FOXO3B: variants seen among roughly 807,000 people sequenced by gnomAD.
The protein encoded by FOXO3B is forkhead box O3B, also known as forkhead box protein O3B.
FOXO3B carries 15 observed loss-of-function variants against 21.9 expected under a neutral mutation model. That is an observed-to-expected ratio of 0.68 (90% CI 0.46 to 1.05). FOXO3B has a LOEUF of 1.05. FOXO3B is among the 50% of genes least tolerant of loss of function. The pLI is 0.00. For synonymous variants in FOXO3B, 135 were observed against 213.6 expected, an observed-to-expected ratio of 0.63 and a Z score of 3.21; for missense variants, 293 against 435.5, an observed-to-expected ratio of 0.67 and a Z score of 2.91.
intron 3 of FOXO3B, among the ~76,000 whole-genome samples, chr17:18,680,110 A>C (rs2032558714): frequency 6.6e-6 from 1 of 152,198 alleles, no homozygotes; most frequent in Non-Finnish European, 1.5e-5. Flanking sequence ...AAGTGCTGGA[A>C]TTACGGGCAT....
intron 3 of FOXO3B, among the ~76,000 whole-genome samples, chr17:18,675,978 G>T (rs556672097): frequency 3.3e-4 from 50 of 152,024 alleles, no homozygotes; most frequent in Non-Finnish European, 5.1e-4. Context: ...ATAAGCCAAA[G>T]ATTAGAAGAA....
chr17:18,676,535 A>G (rs1290982127), intron 3 of FOXO3B, among the ~76,000 whole-genome samples: 3 of 152,236 alleles, frequency 2.0e-5, no homozygotes, highest in East Asian at 1.9e-4. Context: ...ATCAGACTAC[A>G]TAAGAAAAAG....
At position 18,671,860 on chromosome 17, in the gene FOXO3B, G is replaced by A. The variant is rs542759381; in HGVS notation, c.*449C>T. ...CACCGTGCACGGCTTGCTTACTGAA[G>A]GTGACAGGCTCGCTGAGCTGCTGTA... is the stretch of plus-strand genomic sequence containing the variant. On this transcript the variant is annotated 3_prime_UTR_variant, in exon 4 of 4. Coordinates refer to ENST00000395675, the MANE Select transcript of FOXO3B (RefSeq NM_001368135.1). The A allele has an allele frequency of 2.8e-5, 45 of 1,613,138 alleles. No individual in the cohort carries two copies. The African/African-American group carries it at 5.5e-4, about 20-fold the overall frequency.
Position 18,677,575 on chromosome 17 carries a change from G to C in FOXO3B, c.126+3166C>G, listed in dbSNP as rs555218702. 1.6e-5 allele frequency: 25 copies of C among 1,603,320 alleles called. No individual in the cohort carries two copies. In the East Asian group the frequency reaches 5.1e-4, roughly 33 times the overall value. ...ATCCACGGGGGCGCCGGCGGGCCCA[G>C]CGGCAGGGCCAAAGCCGGGCGGGCC... On this transcript the variant is annotated intron_variant, in intron 3 of 3. Transcript: ENST00000395675.
chr17:18,674,067 T>C (rs77421625), intron 3 of FOXO3B, among the ~76,000 whole-genome samples: 51,726 of 151,572 alleles, frequency 0.34, 9,318 homozygotes, highest in Middle Eastern at 0.43. Context: ...AAACATGTTG[T>C]ATTGAAGTAT....
intron 3 of FOXO3B, chr17:18,677,358 G>T (rs760257967): frequency 1.9e-6 from 3 of 1,612,852 alleles, no homozygotes; most frequent in Non-Finnish European, 2.5e-6. Context: ...GAACTTGGGC[G>T]CCAATGGCGA....
chr17:18,674,874 C>G (rs1051758829), intron 3 of FOXO3B, among the ~76,000 whole-genome samples: 23 of 152,250 alleles, frequency 1.5e-4, no homozygotes, highest in African/African-American at 4.6e-4. Context: ...TCCCACAAAG[C>G]GTAATTATTT....
chr17:18,679,175 T>C (rs1006138130), intron 3 of FOXO3B, among the ~76,000 whole-genome samples: 2 of 152,218 alleles, frequency 1.3e-5, no homozygotes, highest in Non-Finnish European at 2.9e-5. Context: ...TGTTAGTCAA[T>C]AGTTACTTCT....
At chr17:18,673,739 G>A (rs1055303425) in intron 3 of FOXO3B, among the ~76,000 whole-genome samples, 4 of 151,802 alleles carry the variant, frequency 2.6e-5, no homozygotes, top group African/African-American at 9.7e-5. Context: ...ATGACAAGAC[G>A]AGATTTGATT....
intron 3 of FOXO3B, chr17:18,677,647 G>A (rs2032515991): frequency 3.7e-6 from 6 of 1,608,540 alleles, no homozygotes; most frequent in Middle Eastern, 2.1e-4. Context: ...GGGGCCCCAG[G>A]GGGCTTGGGA....
At chr17:18,675,956 C>T (rs960744868) in intron 3 of FOXO3B, among the ~76,000 whole-genome samples, 2 of 152,016 alleles carry the variant, frequency 1.3e-5, no homozygotes, top group African/African-American at 4.8e-5. Flanking sequence ...GCCTAACACA[C>T]CAGAAAATAA....
Position 18,675,404 on chromosome 17 carries a change from A to C in FOXO3B, c.127-2349T>G, listed in dbSNP as rs536425949. Among the ~76,000 whole-genome samples the C allele has an allele frequency of 9.4e-4, 142 of 150,730 alleles. 1 individual carries two copies. Among genetic ancestry groups the C allele is most frequent in the Admixed American group, 8.6e-3 (130 of 15,072 alleles). On this transcript the variant is annotated intron_variant, in intron 3 of 3. Coordinates refer to ENST00000395675, the MANE Select transcript of FOXO3B (RefSeq NM_001368135.1). ...AAGGACCTCTTAACAGATCACTATG[A>C]AAACTGCAATACCCCAAAAAAGGGA...
At chr17:18,676,947 C>T (rs2032496921) in intron 3 of FOXO3B, among the ~76,000 whole-genome samples, 1 of 152,262 alleles carries the variant, frequency 6.6e-6, no homozygotes, top group Admixed American at 6.5e-5. Flanking sequence ...AGGTGATCCA[C>T]CCACCTTGGC....
rs2032312050 is a variant in FOXO3B, at chr17:18,668,757, A to G, written c.*3552T>C. On this transcript the variant is annotated 3_prime_UTR_variant, in exon 4 of 4. Coordinates refer to ENST00000395675, the MANE Select transcript of FOXO3B (RefSeq NM_001368135.1). ...ACTACTGCCTCTGCAATGCATCCCCACCCAGGGCAGCATCCCTTAGGAAGC... is the reference window on the plus strand; with the variant it reads ...ACTACTGCCTCTGCAATGCATCCCCGCCCAGGGCAGCATCCCTTAGGAAGC... The G allele has an allele frequency of 6.6e-6, 1 of 151,346 alleles. No homozygotes were observed. The highest frequency in any genetic ancestry group is 1.5e-5 in the Non-Finnish European group (1 of 67,886). 9.4% of individuals were successfully genotyped at this position (151,346 alleles called of 1,614,324 possible).
chr17:18,682,085 G>T, intron 1 of FOXO3B, 119 bp downstream of exon 1: 1 of 625,474 alleles, frequency 1.6e-6, no homozygotes, highest in Non-Finnish European at 2.9e-6. Context: ...AGGGCTCATG[G>T]TCTGCCCTCG....
intron 3 of FOXO3B, chr17:18,677,794 C>G: frequency 7.3e-7 from 1 of 1,368,934 alleles, no homozygotes; most frequent in Non-Finnish European, 1.0e-6. Context: ...TGACCCCAAC[C>G]TCTCCTGTCC....
intron 3 of FOXO3B, chr17:18,677,210 A>G: frequency 6.9e-7 from 1 of 1,456,888 alleles, no homozygotes; most frequent in East Asian, 2.4e-5. Context: ...ATCTACCAAC[A>G]GTGAGTATGT....
At position 18,671,584 on chromosome 17, in the gene FOXO3B, T is replaced by C. The variant is rs1364052920; in HGVS notation, c.*725A>G. The C allele has an allele frequency of 4.3e-6, 7 of 1,613,370 alleles. No homozygotes were observed. The highest frequency in any genetic ancestry group is 5.9e-6 in the Non-Finnish European group (7 of 1,179,780). ...GGCTTGTTCTCTTGGATGGTCTGCA[T>C]GGGAGACTGGCGTAGGGAGTTCAGA... On this transcript the variant is annotated 3_prime_UTR_variant, in exon 4 of 4. Transcript: ENST00000395675.
Position 18,677,649 on chromosome 17 carries a change from G to T in FOXO3B, c.126+3092C>A. 1.1e-5 allele frequency: 18 copies of T among 1,608,006 alleles called. 1 individual carries two copies. The highest frequency in any genetic ancestry group is 1.5e-5 in the Non-Finnish European group (18 of 1,178,380). ...CTCCACCGACTCTGGGGCCCCAGGG[G>T]GCTTGGGAGGGGCTGAGGGTCCCAT... On this transcript the variant is annotated intron_variant, in intron 3 of 3. Coordinates refer to ENST00000395675, the MANE Select transcript of FOXO3B (RefSeq NM_001368135.1).
Sources: allele counts gnomAD v4.1 joint callset (sites outside exome capture counted in the v4.1 genomes callset), GRCh38; gene constraint gnomAD v4.1.1; transcripts MANE v1.5; gene names NCBI Gene and HGNC (gene_info 2026-07-23, HGNC 2026-07-21).